Variants in STX6 observed in about 807,000 individuals in gnomAD.
STX6 encodes syntaxin-6.
STX6 carries 23 observed loss-of-function variants against 38.0 expected under a neutral mutation model. That is an observed-to-expected ratio of 0.60 (90% CI 0.43 to 0.86). The LOEUF (loss-of-function observed/expected upper bound fraction) is 0.86. STX6 is among the 40% of genes least tolerant of loss of function. The pLI, the probability that STX6 is intolerant of heterozygous loss-of-function variation, is 0.00. For synonymous variants in STX6, 123 were observed against 107.5 expected (o/e 1.14, Z -0.89); for missense variants, 274 against 312.9 (o/e 0.88, Z 0.94).
At chr1:181,015,968 G>C (rs1656544898) in intron 1 of STX6, among the ~76,000 whole-genome samples, 1 of 152,134 alleles carries the variant, frequency 6.6e-6, no homozygotes, top group African/African-American at 2.4e-5. Context: ...CCACAAATCT[G>C]TTTTCTTTGT....
chr1:180,976,493 C>T lies in STX6; in HGVS notation c.*77G>A, dbSNP rs1571321050. 8.0e-7 allele frequency: 1 copy of T among 1,253,028 alleles called. No homozygotes were observed. Among genetic ancestry groups the T allele is most frequent in the East Asian group, 2.3e-5 (1 of 43,152 alleles). The allele number at this position is 1,253,028 out of a possible 1,614,324, so 77.6% of individuals were successfully genotyped here. ...CCAGGATAGGAATGTGAGTAGACGG[C>T]AATGTCACACGTGCTCAGCTTCTCC... On this transcript the variant is annotated 3_prime_UTR_variant, in exon 8 of 8. Coordinates refer to ENST00000258301, the MANE Select transcript of STX6 (RefSeq NM_005819.6).
intron 5 of STX6, among the ~76,000 whole-genome samples, chr1:180,989,764 G>A (rs764102135): frequency 1.3e-5 from 2 of 152,100 alleles, no homozygotes; most frequent in Non-Finnish European, 2.9e-5. Flanking sequence ...GACTAAAGGT[G>A]TGAGCCACCA....
chr1:181,022,669 G>A lies in STX6; in HGVS notation c.5C>T (p.Ser2Phe), dbSNP rs1439713711. 8 of 1,609,582 alleles carry A rather than the reference G, an allele frequency of 5.0e-6. No homozygotes were observed. The highest frequency in any genetic ancestry group is 3.4e-5 in the Admixed American group (2 of 59,624). M[S>F]MEDPFFVVKG... ...CACCACAAAGAAGGGGTCCTCCATG[G>A]ACATGGCGTCCCGGCCCCGGCCGCC... The change falls in exon 1 of 8, where the codon TCC (serine) becomes TTC (phenylalanine). Residue 2 changes from serine to phenylalanine, a missense_variant. Transcript: ENST00000258301.
At position 180,990,099 on chromosome 1, in the gene STX6, C is replaced by T; in HGVS notation, c.374G>A (p.Gly125Glu). 1 of 1,614,122 alleles carries T rather than the reference C, an allele frequency of 6.2e-7. No individual in the cohort carries two copies. Among genetic ancestry groups the T allele is most frequent in the Non-Finnish European group, 8.5e-7 (1 of 1,180,008 alleles). ...AERKNRQALL[G>E]DSGSQNWSTG... is the part of the protein sequence containing the mutation. ...GCTCCAGTTCTGGCTGCCACTGTCT[C>T]CCAGCAGTGCCTGTGTGAGAAGAAC... Residue 125 changes from glycine (G) to glutamate (E), a missense_variant, in exon 5 of 8, where the codon GGA (glycine) becomes GAA (glutamate). Physicochemically the swap from Gly to Glu is moderately conservative, Grantham distance 98. Coordinates refer to ENST00000258301, the MANE Select transcript of STX6 (RefSeq NM_005819.6).
chr1:181,011,828 C>T (rs549790953), intron 1 of STX6, among the ~76,000 whole-genome samples: 1 of 152,310 alleles, frequency 6.6e-6, no homozygotes, highest in African/African-American at 2.4e-5. Context: ...ACAACTAGCC[C>T]GTGTGAGCAC....
intron 4 of STX6, among the ~76,000 whole-genome samples, chr1:180,992,800 C>CTTCTTTT (rs1482671150): frequency 1.7e-4 from 26 of 152,284 alleles, no homozygotes; most frequent in African/African-American, 5.3e-4. Flanking sequence ...CTACTTAAAA[C>CTTCTTTT]AAAGAGAAAC....
At chr1:181,002,574 T>C (rs377579961) in intron 3 of STX6, 32 bp downstream of exon 3, 14 of 1,512,106 alleles carry the variant, frequency 9.3e-6, no homozygotes, top group South Asian at 3.4e-5. Context: ...CTATTTCTTA[T>C]ACAGATAACA....
At chr1:180,998,534 C>T (rs1468139542) in intron 3 of STX6, among the ~76,000 whole-genome samples, 2 of 152,182 alleles carry the variant, frequency 1.3e-5, no homozygotes, top group Non-Finnish European at 2.9e-5. Flanking sequence ...GCAGCTGCCA[C>T]CACACCCAGC....
At chr1:181,010,426 C>T (rs1571350349) in intron 1 of STX6, among the ~76,000 whole-genome samples, 1 of 151,956 alleles carries the variant, frequency 6.6e-6, no homozygotes, top group Admixed American at 6.6e-5. Flanking sequence ...CTCAGCCTCC[C>T]GAGTAGCTGA....
chr1:181,001,577 C>CA (rs1248025047), intron 3 of STX6, among the ~76,000 whole-genome samples: 1 of 152,168 alleles, frequency 6.6e-6, no homozygotes, highest in African/African-American at 2.4e-5. Context: ...ATGGAAATGT[C>CA]AGTATCTTGG....
chr1:180,990,747 A>G (rs1655734093), intron 4 of STX6, among the ~76,000 whole-genome samples: 1 of 152,170 alleles, frequency 6.6e-6, no homozygotes, highest in African/African-American at 2.4e-5. Flanking sequence ...GACCCTGGCA[A>G]CCGAGGCAAG....
intron 1 of STX6, among the ~76,000 whole-genome samples, chr1:181,008,068 A>C (rs921532592): frequency 4.6e-5 from 7 of 152,226 alleles, no homozygotes; most frequent in Non-Finnish European, 8.8e-5. Context: ...CTTTTCGGAC[A>C]ATTGTGGATG....
chr1:181,003,419 G>GT (rs911706922), intron 2 of STX6, among the ~76,000 whole-genome samples: 1 of 152,032 alleles, frequency 6.6e-6, no homozygotes, highest in Non-Finnish European at 1.5e-5. Flanking sequence ...TAAAACTTTT[G>GT]TTTTTTTAAT....
chr1:180,988,436 A>G (rs967564470), intron 5 of STX6, 91 bp from the exon 6 acceptor site: 4 of 957,006 alleles, frequency 4.2e-6, no homozygotes, highest in Admixed American at 3.9e-5. Flanking sequence ...TTCTTTGCCA[A>G]CTTGGGACAA....
At chr1:181,016,017 C>T (rs949794612) in intron 1 of STX6, among the ~76,000 whole-genome samples, 4 of 152,186 alleles carry the variant, frequency 2.6e-5, no homozygotes, top group African/African-American at 9.7e-5. Context: ...TAAAAGCTGA[C>T]TATAAGCAAG....
intron 1 of STX6, among the ~76,000 whole-genome samples, chr1:181,006,093 TACTC>T (rs1347541372): frequency 3.3e-5 from 5 of 152,132 alleles, no homozygotes; most frequent in Non-Finnish European, 5.9e-5. Flanking sequence ...GAGGGAGTCT[TACTC>T]TTTTGCACAG....
At chr1:181,004,087 C>G (rs189207454) in intron 2 of STX6, among the ~76,000 whole-genome samples, 18 of 152,324 alleles carry the variant, frequency 1.2e-4, no homozygotes, top group Admixed American at 9.2e-4. Context: ...CCATTCTAAA[C>G]TCTTTACCTG....
intron 5 of STX6, chr1:180,988,579 T>C: frequency 2.3e-6 from 1 of 427,816 alleles, no homozygotes. Context: ...CAGCGGGGCT[T>C]GAAACCACCA....
At chr1:181,016,034 G>T (rs1233764419) in intron 1 of STX6, among the ~76,000 whole-genome samples, 1 of 152,224 alleles carries the variant, frequency 6.6e-6, no homozygotes, top group African/African-American at 2.4e-5. Context: ...CAAGTGAATA[G>T]TAACTGCTAG....
Sources: gnomAD v4.1 joint callset for allele counts (sites outside exome capture counted in the v4.1 genomes callset) on GRCh38, gnomAD v4.1.1 for gene constraint, MANE v1.5 for transcripts, NCBI Gene and HGNC (gene_info 2026-07-23, HGNC 2026-07-21) for gene names.